MOCS1: variants seen among roughly 807,000 people sequenced by gnomAD.
MOCS1 encodes the protein molybdenum cofactor synthesis 1.
A neutral mutation model predicts 57.6 loss-of-function variants in MOCS1; 39 were observed. The ratio of observed to expected loss-of-function variants is 0.68; its 90% CI spans 0.52 to 0.88. The LOEUF (loss-of-function observed/expected upper bound fraction) is 0.88. MOCS1 is among the 40% of genes least tolerant of loss of function. The probability of loss-of-function intolerance (pLI) is 0.00; values close to 1 mark genes in which losing one functional copy is unlikely to be tolerated. For synonymous variants in MOCS1, 334 were observed against 335.7 expected (o/e 1.00, Z 0.05); for missense variants, 795 against 831.1 (o/e 0.96, Z 0.53).
rs746347427 is a variant in MOCS1 at position 39,934,322 on chromosome 6, G to A, written c.96C>T (p.Pro32=). The change falls in exon 1 of 11, where the codon CCC becomes CCT. Residue 32 remains proline, a synonymous_variant. Coordinates refer to ENST00000340692, the MANE Select transcript of MOCS1 (RefSeq NM_001358530.2). ...SSGAPVTQPC[P]GESARAASEE... ...CCGAGGCAGCTCGCGCGGACTCCCC[G>A]GGGCAGGGCTGGGTCACCGGAGCCC... The A allele has an allele frequency of 2.8e-4, 428 of 1,549,514 alleles. No homozygotes were observed. The Middle Eastern group carries it at 3.5e-3, about 13-fold the overall frequency.
intron 8 of MOCS1, 126 bp downstream of exon 8, chr6:39,912,138 A>T: frequency 2.6e-6 from 2 of 781,920 alleles, no homozygotes; most frequent in Non-Finnish European, 4.6e-6. Context: ...ACCTGACATT[A>T]TTGCACCAAC....
intron 3 of MOCS1, among the ~76,000 whole-genome samples, chr6:39,920,899 A>C (rs896959750): frequency 4.0e-5 from 6 of 151,544 alleles, no homozygotes; most frequent in African/African-American, 1.2e-4. Context: ...GGATCGCTTG[A>C]ACCCAGGAGG....
At chr6:39,908,186 C>G (rs1157223741) in intron 10 of MOCS1, among the ~76,000 whole-genome samples, 1 of 152,220 alleles carries the variant, frequency 6.6e-6, no homozygotes, top group African/African-American at 2.4e-5. Flanking sequence ...TGGGCTGTCT[C>G]TAGCCTGCCT....
Position 39,934,451 on chromosome 6 carries a change from C to T in MOCS1, c.-34G>A, listed in dbSNP as rs772515165. 26 of 1,502,094 alleles carry T rather than the reference C, an allele frequency of 1.7e-5. No homozygotes were observed. The highest frequency in any genetic ancestry group is 1.3e-4 in the Admixed American group (7 of 52,146). 93.0% of individuals were successfully genotyped at this position (1,502,094 alleles called of 1,614,324 possible). On this transcript the variant is annotated 5_prime_UTR_variant, in exon 1 of 11. Transcript: ENST00000340692. The stretch of plus-strand genomic sequence containing the variant: ...ATACGAGCGGAACCGCAGCCCGCTT[C>T]GGGAGCACACTGGCCGGGCACTCGC...
intron 3 of MOCS1, among the ~76,000 whole-genome samples, chr6:39,919,523 A>C (rs200422463): frequency 0.056 from 8,561 of 151,962 alleles, 579 homozygotes; most frequent in East Asian, 0.25. Flanking sequence ...GCAACAAAAA[A>C]AAAAAAAACC....
chr6:39,918,823 C>A (rs1767806577), intron 3 of MOCS1, among the ~76,000 whole-genome samples: 1 of 149,720 alleles, frequency 6.7e-6, no homozygotes, highest in Admixed American at 6.6e-5. Flanking sequence ...CTGAAATAAA[C>A]ATAAATTACT....
chr6:39,913,885 C>T, intron 4 of MOCS1, 50 bp from the exon 5 acceptor site: 1 of 1,553,610 alleles, frequency 6.4e-7, no homozygotes. Context: ...TCTCCTCTTC[C>T]CCCACACCCC....
chr6:39,926,423 G>A (rs1159441635), intron 2 of MOCS1, among the ~76,000 whole-genome samples: 4 of 150,536 alleles, frequency 2.7e-5, no homozygotes, highest in African/African-American at 9.9e-5. Context: ...TATCAGAATG[G>A]GGTAAATGAG....
At chr6:39,917,175 T>C (rs1305137187) in intron 3 of MOCS1, among the ~76,000 whole-genome samples, 1 of 152,198 alleles carries the variant, frequency 6.6e-6, no homozygotes, top group Non-Finnish European at 1.5e-5. Context: ...AGAGGTTTCA[T>C]TGACTCACAG....
chr6:39,914,432 A>G (rs1195974347), intron 4 of MOCS1, among the ~76,000 whole-genome samples: 1 of 152,198 alleles, frequency 6.6e-6, no homozygotes, highest in African/African-American at 2.4e-5. Context: ...TATTCACTCA[A>G]CACATACTCT....
intron 3 of MOCS1, among the ~76,000 whole-genome samples, chr6:39,923,522 C>A (rs1768093112): frequency 6.6e-6 from 1 of 152,272 alleles, no homozygotes; most frequent in Non-Finnish European, 1.5e-5. Flanking sequence ...CAGGTCCTGG[C>A]ACAAGGCGGC....
At chr6:39,914,882 A>T (rs1382504597) in intron 4 of MOCS1, among the ~76,000 whole-genome samples, 1 of 152,154 alleles carries the variant, frequency 6.6e-6, no homozygotes, top group Non-Finnish European at 1.5e-5. Context: ...AGAGACAAAA[A>T]GGGAGAACGT....
chr6:39,922,470 A>G (rs1768025583), intron 3 of MOCS1, among the ~76,000 whole-genome samples: 1 of 152,310 alleles, frequency 6.6e-6, no homozygotes, highest in South Asian at 2.1e-4. Flanking sequence ...GTGGCCTCAG[A>G]CAGTTCTTCC....
At chr6:39,914,838 G>A (rs1767563636) in intron 4 of MOCS1, among the ~76,000 whole-genome samples, 1 of 152,226 alleles carries the variant, frequency 6.6e-6, no homozygotes, top group African/African-American at 2.4e-5. Context: ...TGGGAGGGAA[G>A]ATCTGATGTC....
chr6:39,924,874 T>G (rs1768186387), intron 3 of MOCS1, among the ~76,000 whole-genome samples: 1 of 152,154 alleles, frequency 6.6e-6, no homozygotes, highest in Admixed American at 6.5e-5. Context: ...AGGTCAGGGT[T>G]TCGAGACCAG....
rs1379864414 is a variant in MOCS1 at position 39,916,170 on chromosome 6, C to A, written c.481G>T (p.Ala161Ser). Residue 161 changes from alanine (A) to serine (S), a missense_variant, in exon 4 of 11, where the codon GCC (alanine) becomes TCC (serine). Transcript: ENST00000340692. ...TTCTGAAGCTGGGGCAGTAGCCGGG[C>A]CAGGTTGATGCCATTGGTGGTAACA... is the stretch of plus-strand genomic sequence containing the variant. ...IGVTTNGINL[A>S]RLLPQLQKAG... 1 of 1,614,046 alleles carries A rather than the reference C, an allele frequency of 6.2e-7. No homozygotes were observed. The highest frequency in any genetic ancestry group is 1.1e-5 in the South Asian group (1 of 91,080).
chr6:39,904,450 T>G lies in MOCS1; in HGVS notation c.*1907A>C, dbSNP rs1314973601. The G allele has an allele frequency of 2.2e-6, 1 of 454,712 alleles. No homozygotes were observed. Among genetic ancestry groups the G allele is most frequent in the Non-Finnish European group, 4.4e-6 (1 of 226,970 alleles). 28.2% of individuals were successfully genotyped at this position (454,712 alleles called of 1,614,324 possible). On this transcript the variant is annotated 3_prime_UTR_variant, in exon 11 of 11. Coordinates refer to ENST00000340692, the MANE Select transcript of MOCS1 (RefSeq NM_001358530.2). ...AATAGGTTGTTTCTTGGTCTTGCTTTCTTCATGCCCTCCCCACTGCTCCTG... is the reference window on the plus strand; with the variant it reads ...AATAGGTTGTTTCTTGGTCTTGCTTGCTTCATGCCCTCCCCACTGCTCCTG...
At chr6:39,913,478 T>G (rs904725320) in intron 5 of MOCS1, 50 bp from the exon 6 acceptor site, 1 of 1,531,884 alleles carries the variant, frequency 6.5e-7, no homozygotes, top group Non-Finnish European at 9.0e-7. Context: ...TGCATTCTTT[T>G]GTGGAGATGA....
chr6:39,931,421 T>G (rs1768638702), intron 1 of MOCS1, among the ~76,000 whole-genome samples: 1 of 152,162 alleles, frequency 6.6e-6, no homozygotes, highest in East Asian at 1.9e-4. Context: ...ACCCTGCTAT[T>G]GGGATGATGT....
Sources: gnomAD v4.1 joint callset for allele counts (sites outside exome capture counted in the v4.1 genomes callset) on GRCh38, gnomAD v4.1.1 for gene constraint, MANE v1.5 for transcripts, NCBI Gene and HGNC (gene_info 2026-07-23, HGNC 2026-07-21) for gene names.